MINDY4B: variants seen among roughly 807,000 people sequenced by gnomAD.
MINDY4B encodes the protein inactive ubiquitin carboxyl-terminal hydrolase MINDY-4B.
Under a neutral mutation model 16.7 loss-of-function variants are expected in MINDY4B, and 25 were observed. That is an observed-to-expected ratio of 1.49 (90% confidence interval 1.09 to 2.09). The LOEUF (loss-of-function observed/expected upper bound fraction) is 2.09. Ranked by LOEUF, MINDY4B falls within the 30% of genes most tolerant of loss-of-function variation. The probability of loss-of-function intolerance (pLI) is 0.00; values close to 1 mark genes in which losing one functional copy is unlikely to be tolerated. For missense variants in MINDY4B, 327 were observed against 168.4 expected (o/e 1.94, Z -5.21); for synonymous variants, 132 against 61.9 (o/e 2.13, Z -5.32).
chr3:150,899,241 A>G (rs926105902), intron 3 of MINDY4B, among the ~76,000 whole-genome samples: 37 of 152,244 alleles, frequency 2.4e-4, no homozygotes, highest in Non-Finnish European at 7.3e-5. Flanking sequence ...GGTCATGTAT[A>G]TAGTAAATGG....
chr3:150,896,983 C>G (rs1240576698), intron 3 of MINDY4B, among the ~76,000 whole-genome samples: 1 of 152,144 alleles, frequency 6.6e-6, no homozygotes, highest in Non-Finnish European at 1.5e-5. Flanking sequence ...TGTGAAAGCT[C>G]TGACTGGGCC....
intron 7 of MINDY4B, 46 bp downstream of exon 7, chr3:150,890,273 TA>T: frequency 2.2e-6 from 1 of 451,648 alleles, no homozygotes; most frequent in Non-Finnish European, 3.9e-6. Flanking sequence ...AAGATCCCTG[TA>T]AGATCAGTCA....
At chr3:150,893,696 T>TTTGGG in intron 4 of MINDY4B, among the ~76,000 whole-genome samples, 1 of 53,624 alleles carries the variant, frequency 1.9e-5, no homozygotes, top group African/African-American at 4.8e-5. Context: ...AGTTTTTTTT[T>TTTGGG]GGGGGGGGGG....
chr3:150,896,813 T>C (rs13322091), intron 3 of MINDY4B, among the ~76,000 whole-genome samples: 19,949 of 152,190 alleles, frequency 0.13, 1,698 homozygotes, highest in East Asian at 0.38. Flanking sequence ...AATTAATACT[T>C]TTCACCAGCT....
At chr3:150,884,472 G>A (rs573546899) in intron 8 of MINDY4B, among the ~76,000 whole-genome samples, 2 of 152,300 alleles carry the variant, frequency 1.3e-5, no homozygotes, top group African/African-American at 2.4e-5. Context: ...TCAAAGGGTG[G>A]TATGATAGAC....
chr3:150,875,788 C>T (rs1055491012), intron 10 of MINDY4B, among the ~76,000 whole-genome samples: 2 of 152,166 alleles, frequency 1.3e-5, no homozygotes, highest in African/African-American at 4.8e-5. Flanking sequence ...ATGACTGTTG[C>T]TGCACTTTGA....
At chr3:150,874,384 A>C (rs1321884880) in intron 10 of MINDY4B, among the ~76,000 whole-genome samples, 1 of 152,210 alleles carries the variant, frequency 6.6e-6, no homozygotes, top group Non-Finnish European at 1.5e-5. Flanking sequence ...ATGTAGTAAA[A>C]GGGCAGTGGT....
At chr3:150,895,254 C>T (rs1337690726) in intron 3 of MINDY4B, among the ~76,000 whole-genome samples, 3 of 152,186 alleles carry the variant, frequency 2.0e-5, no homozygotes, top group Non-Finnish European at 1.5e-5. Flanking sequence ...TACCCATTCT[C>T]TTAACACCTG....
chr3:150,879,357 C>T (rs1361538456), intron 10 of MINDY4B, among the ~76,000 whole-genome samples: 2 of 152,072 alleles, frequency 1.3e-5, no homozygotes, highest in African/African-American at 4.8e-5. Flanking sequence ...CTGCTGGCAT[C>T]TAGTGAGCAG....
chr3:150,894,973 CAGAG>C (rs951310055), intron 3 of MINDY4B, among the ~76,000 whole-genome samples: 2 of 152,104 alleles, frequency 1.3e-5, no homozygotes, highest in Non-Finnish European at 1.5e-5. Context: ...TATGAGAAAA[CAGAG>C]GGAGGAGAGA....
chr3:150,888,019 A>AT (rs1188499958), intron 7 of MINDY4B, among the ~76,000 whole-genome samples: 1 of 152,178 alleles, frequency 6.6e-6, no homozygotes, highest in Non-Finnish European at 1.5e-5. Flanking sequence ...AGGCAGGAGA[A>AT]TGGCATGAAC....
At chr3:150,888,227 C>T (rs1416170498) in intron 7 of MINDY4B, among the ~76,000 whole-genome samples, 1 of 152,120 alleles carries the variant, frequency 6.6e-6, no homozygotes, top group Admixed American at 6.6e-5. Flanking sequence ...TCACTCTGGT[C>T]CCAGCTTCCA....
Position 150,885,817 on chromosome 3 carries a change from C to T in MINDY4B, c.754-379G>A, listed in dbSNP as rs554612946. On this transcript the variant is annotated intron_variant, in intron 7 of 11. Coordinates refer to ENST00000465419, the MANE Select transcript of MINDY4B (RefSeq NM_001351281.2). ...CTCCTCATGTCCTTCCTCATTGCCCCGTTAAACTGAGGGAGATCAGAGAGG... is the reference window on the plus strand; with the variant it reads ...CTCCTCATGTCCTTCCTCATTGCCCTGTTAAACTGAGGGAGATCAGAGAGG... Among the ~76,000 whole-genome samples the T allele has an allele frequency of 2.5e-4, 38 of 152,264 alleles. No individual in the cohort carries two copies. The South Asian group carries it at 7.9e-3, about 32-fold the overall frequency.
intron 10 of MINDY4B, among the ~76,000 whole-genome samples, chr3:150,882,564 GTATATA>G (rs59302082): frequency 2.0e-5 from 3 of 148,012 alleles, no homozygotes; most frequent in South Asian, 2.1e-4. Context: ...GTGTATGTGT[GTATATA>G]TATATATATA....
At chr3:150,873,117 G>A in intron 11 of MINDY4B, 70 bp downstream of exon 11, 1 of 638,164 alleles carries the variant, frequency 1.6e-6, no homozygotes, top group Non-Finnish European at 2.8e-6. Context: ...CCACACAGTT[G>A]TTAAACATTG....
In MINDY4B at chr3:150,890,938, T is replaced by C; in HGVS notation, c.687A>G (p.Arg229=). The change falls in exon 6 of 12, where the codon CGA becomes CGG. Residue 229 remains arginine, a splice_region_variant and synonymous_variant. Coordinates refer to ENST00000465419, the MANE Select transcript of MINDY4B (RefSeq NM_001351281.2). ...PDYSVDNFTE[R]LQLFEFLEKE... ...CCAGGACAGGGAGAACTGCACTTACTCGCTCAGTGAAATTGTCCACAGAGT... is the reference window on the plus strand; with the variant it reads ...CCAGGACAGGGAGAACTGCACTTACCCGCTCAGTGAAATTGTCCACAGAGT... 1 of 702,578 alleles carries C rather than the reference T, an allele frequency of 1.4e-6. No homozygotes were observed. The highest frequency in any genetic ancestry group is 1.5e-5 in the South Asian group (1 of 67,574). The allele number at this position is 702,578 out of a possible 1,614,324, so 43.5% of individuals were successfully genotyped here.
At chr3:150,884,113 C>T (rs576560352) in intron 8 of MINDY4B, among the ~76,000 whole-genome samples, 1 of 152,152 alleles carries the variant, frequency 6.6e-6, no homozygotes, top group Non-Finnish European at 1.5e-5. Flanking sequence ...TGACACATGA[C>T]CACACTGCAG....
In MINDY4B at chr3:150,892,003, T is replaced by C. The variant is rs1477512678; in HGVS notation, c.522-900A>G. 2.0e-5 allele frequency among the ~76,000 whole-genome samples: 3 copies of C among 152,172 alleles called. No individual in the cohort carries two copies. The East Asian group carries it at 5.8e-4, about 29-fold the overall frequency. ...AAGTGCCTTACCTTTATGTGGCAAATATATGTGTTCCATTTGAATTCCCTG... is the reference window on the plus strand; with the variant it reads ...AAGTGCCTTACCTTTATGTGGCAAACATATGTGTTCCATTTGAATTCCCTG... On this transcript the variant is annotated intron_variant, in intron 5 of 11. Transcript: ENST00000465419.
intron 10 of MINDY4B, among the ~76,000 whole-genome samples, chr3:150,881,614 T>A (rs368809126): frequency 8.2e-5 from 10 of 121,458 alleles, no homozygotes; most frequent in Middle Eastern, 8.3e-3. Flanking sequence ...TGTCTCTGTT[T>A]AAAAAAAAAA....
Sources: gnomAD v4.1 joint callset for allele counts (sites outside exome capture counted in the v4.1 genomes callset) on GRCh38, gnomAD v4.1.1 for gene constraint, MANE v1.5 for transcripts, NCBI Gene and HGNC (gene_info 2026-07-23, HGNC 2026-07-21) for gene names.